Variants in GXYLT1 observed in about 807,000 individuals in gnomAD.
GXYLT1 encodes glucoside xylosyltransferase 1, also known as glycosyltransferase 8 domain containing 3.
Under a neutral mutation model 54.0 loss-of-function variants are expected in GXYLT1, and 29 were observed. The observed-to-expected ratio is 0.54, with a 90% CI of 0.40 to 0.73. The LOEUF (loss-of-function observed/expected upper bound fraction) is 0.73. Among genes scored for constraint, GXYLT1 ranks in the 30% least tolerant of loss-of-function variants. The pLI, the probability that GXYLT1 is intolerant of heterozygous loss-of-function variation, is 0.00. For synonymous variants in GXYLT1, 176 were observed against 204.1 expected, an observed-to-expected ratio of 0.86 and a Z score of 1.17; for missense variants, 490 against 553.4, an observed-to-expected ratio of 0.89 and a Z score of 1.15.
chr12:42,090,056 G>A (rs1261496481), intron 7 of GXYLT1, among the ~76,000 whole-genome samples: 1 of 151,590 alleles, frequency 6.6e-6, no homozygotes, highest in African/African-American at 2.4e-5. Context: ...AAGTTTCTTT[G>A]TTTTCATGTG....
chr12:42,122,642 G>A (rs2065538049), intron 2 of GXYLT1, among the ~76,000 whole-genome samples: 1 of 152,052 alleles, frequency 6.6e-6, no homozygotes. Flanking sequence ...AAATAAAGGG[G>A]TAAGAAGAGG....
chr12:42,140,296 A>C lies in GXYLT1; in HGVS notation c.221+4130T>G, dbSNP rs116962835. On this transcript the variant is annotated intron_variant, in intron 1 of 7. Coordinates refer to ENST00000398675, the MANE Select transcript of GXYLT1 (RefSeq NM_173601.2). ...TATAACAAGCTGGAGCACATATCTA[A>C]AACATAAATTCCTGGACCCCACTGC... Among the ~76,000 whole-genome samples, 1,456 of 151,760 alleles carry C rather than the reference A, an allele frequency of 9.6e-3. 18 individuals carry two copies. Among genetic ancestry groups the C allele is most frequent in the Non-Finnish European group, 0.015 (1,024 of 67,974 alleles).
At chr12:42,111,272 G>T (rs1049956609) in intron 3 of GXYLT1, among the ~76,000 whole-genome samples, 4 of 152,240 alleles carry the variant, frequency 2.6e-5, no homozygotes, top group Admixed American at 1.3e-4. Flanking sequence ...GGGAGTGCCA[G>T]ACAGTAGGTG....
intron 5 of GXYLT1, among the ~76,000 whole-genome samples, chr12:42,104,125 A>G (rs1223872972): frequency 6.6e-6 from 1 of 152,194 alleles, no homozygotes; most frequent in Admixed American, 6.5e-5. Flanking sequence ...TAATTTTAAA[A>G]ACAATGGATT....
At chr12:42,138,821 G>C (rs1384558219) in intron 1 of GXYLT1, among the ~76,000 whole-genome samples, 4 of 151,998 alleles carry the variant, frequency 2.6e-5, no homozygotes, top group African/African-American at 9.7e-5. Context: ...AGGAGTTCAA[G>C]ACCAACCAGG....
intron 2 of GXYLT1, among the ~76,000 whole-genome samples, chr12:42,128,854 T>G (rs144459632): frequency 6.6e-6 from 1 of 151,910 alleles, no homozygotes; most frequent in Non-Finnish European, 1.5e-5. Flanking sequence ...AAAAAAAAAT[T>G]TGTAGAGACA....
chr12:42,096,578 G>A (rs1313795849), intron 7 of GXYLT1, among the ~76,000 whole-genome samples: 1 of 152,250 alleles, frequency 6.6e-6, no homozygotes, highest in Admixed American at 6.5e-5. Context: ...CCTTATAGAC[G>A]CATGCCAAGT....
intron 5 of GXYLT1, among the ~76,000 whole-genome samples, chr12:42,104,134 T>C (rs2065405389): frequency 6.6e-6 from 1 of 152,168 alleles, no homozygotes; most frequent in Non-Finnish European, 1.5e-5. Flanking sequence ...AAACAATGGA[T>C]TTGAACTATA....
At chr12:42,136,124 A>G (rs1213078728) in intron 1 of GXYLT1, among the ~76,000 whole-genome samples, 3 of 152,220 alleles carry the variant, frequency 2.0e-5, no homozygotes, top group Non-Finnish European at 4.4e-5. Flanking sequence ...CCATTTTGAA[A>G]AACTGGTTTG....
At chr12:42,112,237 C>T (rs2065462213) in intron 3 of GXYLT1, among the ~76,000 whole-genome samples, 1 of 152,160 alleles carries the variant, frequency 6.6e-6, no homozygotes, top group Non-Finnish European at 1.5e-5. Flanking sequence ...AAGCAGAGTG[C>T]CTCTCCTCCT....
chr12:42,132,871 A>C (rs969594791), intron 1 of GXYLT1, among the ~76,000 whole-genome samples: 3 of 152,290 alleles, frequency 2.0e-5, no homozygotes, highest in East Asian at 1.9e-4. Flanking sequence ...CAACTCAGTA[A>C]CGAGTTTAAA....
chr12:42,118,906 C>A, intron 3 of GXYLT1, 94 bp downstream of exon 3: 1 of 912,036 alleles, frequency 1.1e-6, no homozygotes, highest in East Asian at 2.9e-5. Context: ...GTAGTTATTT[C>A]TAGCAATGTG....
At chr12:42,128,852 A>T (rs1021788565) in intron 2 of GXYLT1, among the ~76,000 whole-genome samples, 1 of 151,804 alleles carries the variant, frequency 6.6e-6, no homozygotes, top group Non-Finnish European at 1.5e-5. Flanking sequence ...TAAAAAAAAA[A>T]TTTGTAGAGA....
chr12:42,114,601 A>G (rs1476559634), intron 3 of GXYLT1, among the ~76,000 whole-genome samples: 1 of 152,200 alleles, frequency 6.6e-6, no homozygotes, highest in Non-Finnish European at 1.5e-5. Flanking sequence ...ATCTCTGAAT[A>G]GACCAACAAC....
At position 42,084,339 on chromosome 12, in the gene GXYLT1, C is replaced by T. The variant is rs1224285070; in HGVS notation, c.*3447G>A. The T allele has an allele frequency of 4.6e-5, 7 of 152,346 alleles. No individual in the cohort carries two copies. Among genetic ancestry groups the T allele is most frequent in the Admixed American group, 4.6e-4 (7 of 15,290 alleles). The allele number at this position is 152,346 out of a possible 1,614,324, so 9.4% of individuals were successfully genotyped here. On this transcript the variant is annotated 3_prime_UTR_variant, in exon 8 of 8. Coordinates refer to ENST00000398675, the MANE Select transcript of GXYLT1 (RefSeq NM_173601.2). ...TCCTTCTTTTTTGATTTAGTTACAT[C>T]ATTCTTTTCTTCTCTACTTTCTCTT...
At position 42,119,105 on chromosome 12, in the gene GXYLT1, C is replaced by T; in HGVS notation, c.381G>A (p.Leu127=). 1 of 1,613,722 alleles carries T rather than the reference C, an allele frequency of 6.2e-7. No individual in the cohort carries two copies. Among genetic ancestry groups the T allele is most frequent in the Non-Finnish European group, 8.5e-7 (1 of 1,179,588 alleles). Residue 127 remains leucine (L), a synonymous_variant, in exon 3 of 8, where the codon CTG becomes CTA. Coordinates refer to ENST00000398675, the MANE Select transcript of GXYLT1 (RefSeq NM_173601.2). ...ACTTCAACATGGTCATAGTTTCTTC[C>T]AGTCTTTCACCACAGGCAACTACAG... is the stretch of plus-strand genomic sequence containing the variant. The part of the protein sequence containing the change: ...HLAVVACGER[L]EETMTMLKSA...
chr12:42,122,931 C>G (rs572688590), intron 2 of GXYLT1, among the ~76,000 whole-genome samples: 36 of 152,222 alleles, frequency 2.4e-4, no homozygotes, highest in African/African-American at 8.2e-4. Flanking sequence ...TGATAGCATG[C>G]CCAAAGAAGA....
At position 42,087,620 on chromosome 12, in the gene GXYLT1, C is replaced by T; in HGVS notation, c.*166G>A. 3 of 544,968 alleles carry T rather than the reference C, an allele frequency of 5.5e-6. No homozygotes were observed. Among genetic ancestry groups the T allele is most frequent in the Non-Finnish European group, 9.6e-6 (3 of 314,022 alleles). The allele number at this position is 544,968 out of a possible 1,614,324, so 33.8% of individuals were successfully genotyped here. ...TCAATGTTGAGGCCCAAGATTTTAACTTATTCTTCATTACCTGAAAATACT... is the reference window on the plus strand; with the variant it reads ...TCAATGTTGAGGCCCAAGATTTTAATTTATTCTTCATTACCTGAAAATACT... On this transcript the variant is annotated 3_prime_UTR_variant, in exon 8 of 8. Transcript: ENST00000398675.
At chr12:42,087,993 G>C in intron 7 of GXYLT1, 46 bp from the exon 8 acceptor site, 1 of 1,010,332 alleles carries the variant, frequency 9.9e-7, no homozygotes, top group Non-Finnish European at 1.4e-6. Context: ...AAAGGCAAAG[G>C]TACATATGTA....
Sources: allele counts gnomAD v4.1 joint callset (sites outside exome capture counted in the v4.1 genomes callset), GRCh38; gene constraint gnomAD v4.1.1; transcripts MANE v1.5; gene names NCBI Gene and HGNC (gene_info 2026-07-23, HGNC 2026-07-21).